ANK3: variants seen among roughly 807,000 people sequenced by gnomAD.
The protein encoded by ANK3 is ankyrin 3, also known as ankyrin-3.
ANK3 carries 57 observed loss-of-function variants against 370.9 expected under a neutral mutation model. The ratio of observed to expected loss-of-function variants is 0.15; its 90% CI spans 0.12 to 0.19. The LOEUF is 0.19. Ranked by LOEUF, ANK3 falls within the 10% of genes least tolerant of loss-of-function variation. The pLI is 1.00. For synonymous variants in ANK3, 1,929 were observed against 1,946.3 expected, an observed-to-expected ratio of 0.99 and a Z score of 0.23; for missense variants, 4,439 against 5,302.1, an observed-to-expected ratio of 0.84 and a Z score of 5.06.
At chr10:60,274,476 A>G (rs1030270635) in intron 4 of ANK3, among the ~76,000 whole-genome samples, 2 of 152,086 alleles carry the variant, frequency 1.3e-5, no homozygotes, top group African/African-American at 4.8e-5. Context: ...CCTATTCCCC[A>G]TTATGCAGGT....
chr10:60,715,282 C>T (rs183994496), intron 1 of ANK3, among the ~76,000 whole-genome samples: 120 of 150,774 alleles, frequency 8.0e-4, no homozygotes, highest in African/African-American at 2.7e-3. Context: ...AAAGCAAACA[C>T]GGTGTTTGAT....
chr10:60,177,075 G>T (rs2095986704), intron 18 of ANK3, among the ~76,000 whole-genome samples: 1 of 152,088 alleles, frequency 6.6e-6, no homozygotes, highest in African/African-American at 2.4e-5. Context: ...GCCATGCATG[G>T]CATGCATGGA....
chr10:60,047,223 A>C (rs77674123), intron 42 of ANK3, among the ~76,000 whole-genome samples: 57 of 152,238 alleles, frequency 3.7e-4, no homozygotes, highest in African/African-American at 1.2e-3. Flanking sequence ...CCCCCCAACC[A>C]TTATAAAGGA....
rs762232864 is a variant in ANK3 at position 60,070,645 on chromosome 10, G to A, written c.10236C>T (p.Ile3412=). ...GCAGGTCATAGCCATCCAGAGAGTC[G>A]ATCTCTGTGGCATCCGTGTCATGAG... ...EFSHDTDATE[I]DSLDGYDLQD... is the part of the protein sequence containing the mutation. Residue 3412 remains isoleucine, a synonymous_variant, in exon 37 of 44, where the codon ATC becomes ATT. Coordinates refer to ENST00000280772, the MANE Select transcript of ANK3 (RefSeq NM_020987.5). The surrounding 1 kb of genome is among the most constrained non-coding windows in gnomAD (Gnocchi z 5.7). 1.4e-5 allele frequency: 23 copies of A among 1,614,048 alleles called. No individual in the cohort carries two copies. In the Admixed American group the frequency reaches 2.0e-4, roughly 14 times the overall value.
At chr10:60,411,643 C>T (rs1014385835) in intron 2 of ANK3, among the ~76,000 whole-genome samples, 1 of 152,094 alleles carries the variant, frequency 6.6e-6, no homozygotes. Flanking sequence ...AATTAAGCAG[C>T]ACCACAGTGG....
chr10:60,211,521 T>A (rs2096853985), intron 9 of ANK3, among the ~76,000 whole-genome samples: 1 of 152,138 alleles, frequency 6.6e-6, no homozygotes, highest in South Asian at 2.1e-4. Context: ...AATACCAGTA[T>A]CTCATTTAAC....
intron 28 of ANK3, among the ~76,000 whole-genome samples, chr10:60,091,524 AG>A (rs1373038479): frequency 2.5e-5 from 1 of 40,700 alleles, no homozygotes; most frequent in African/African-American, 9.6e-5. Flanking sequence ...GAATGTGACC[AG>A]GGAGGGTGGG....
chr10:60,184,198 T>C (rs144207720), intron 17 of ANK3, among the ~76,000 whole-genome samples: 1 of 152,220 alleles, frequency 6.6e-6, no homozygotes, highest in East Asian at 1.9e-4. Context: ...GGAAATAAAA[T>C]GTAGTGTTAT....
chr10:60,296,711 G>A (rs922887266), intron 1 of ANK3, among the ~76,000 whole-genome samples: 3 of 152,152 alleles, frequency 2.0e-5, no homozygotes, highest in Admixed American at 6.5e-5. Context: ...AGGGCTAGGT[G>A]CAGTGGGTCA....
intron 1 of ANK3, among the ~76,000 whole-genome samples, chr10:60,699,596 G>GT (rs61607459): frequency 0.052 from 7,882 of 151,668 alleles, 284 homozygotes; most frequent in African/African-American, 0.086. Flanking sequence ...ATCAATACAC[G>GT]TTATTACCAA....
intron 1 of ANK3, among the ~76,000 whole-genome samples, chr10:60,347,634 GAATA>G (rs1446519308): frequency 1.3e-5 from 2 of 152,144 alleles, no homozygotes; most frequent in African/African-American, 4.8e-5. Flanking sequence ...GGTAATGAAT[GAATA>G]GTTAAGTTCC....
Position 60,442,252 on chromosome 10 carries a change from C to A in ANK3, c.97-162613G>T, listed in dbSNP as rs1350657733. On this transcript the variant is annotated intron_variant, in intron 2 of 43. Transcript: ENST00000373827. The stretch of plus-strand genomic sequence containing the variant: ...CTGGGATTATAGGTGCACGCCACCA[C>A]GCCTGGCTAATTTTTGTATTTTTAG... 2.0e-5 allele frequency among the ~76,000 whole-genome samples: 3 copies of A among 151,856 alleles called. No homozygotes were observed. In the East Asian group the frequency reaches 5.8e-4, roughly 29 times the overall value.
At chr10:60,301,642 T>C (rs142419991) in intron 1 of ANK3, among the ~76,000 whole-genome samples, 270 of 152,040 alleles carry the variant, frequency 1.8e-3, no homozygotes, top group South Asian at 3.9e-3. Context: ...GTCTCAAACT[T>C]CTGAGCTCAA....
In ANK3 at chr10:60,126,493, C is replaced by A. The variant is rs186380555; in HGVS notation, c.2841+7778G>T. ...ATGAGGCCAGGAGTTTGAGACCAACCTGGCCAGTATGGTGAAACTCCATCT... is the reference window on the plus strand; with the variant it reads ...ATGAGGCCAGGAGTTTGAGACCAACATGGCCAGTATGGTGAAACTCCATCT... On this transcript the variant is annotated intron_variant, in intron 25 of 43. Coordinates refer to ENST00000280772, the MANE Select transcript of ANK3 (RefSeq NM_020987.5). Among the ~76,000 whole-genome samples the A allele has an allele frequency of 2.1e-3, 327 of 152,156 alleles. 2 individuals carry two copies. The highest frequency in any genetic ancestry group is 7.6e-4 in the Non-Finnish European group (52 of 67,998).
chr10:60,118,222 AC>A (rs145477101), intron 25 of ANK3, among the ~76,000 whole-genome samples: 2,019 of 152,294 alleles, frequency 0.013, 46 homozygotes, highest in African/African-American at 0.046. Flanking sequence ...TAATTGCATA[AC>A]TTTGGTAATA....
intron 2 of ANK3, among the ~76,000 whole-genome samples, chr10:60,424,880 A>G (rs1396126839): frequency 1.3e-5 from 2 of 152,062 alleles, no homozygotes; most frequent in African/African-American, 2.4e-5. Context: ...ATTTAAAGAC[A>G]TTACTTTGTA....
intron 1 of ANK3, among the ~76,000 whole-genome samples, chr10:60,624,546 A>G (rs10821803): frequency 0.4 from 60,148 of 151,912 alleles, 12,050 homozygotes; most frequent in East Asian, 0.44. Context: ...CTGTGAATAT[A>G]ATAGCTTTCA....
At chr10:60,298,835 C>A (rs2043078614) in intron 1 of ANK3, among the ~76,000 whole-genome samples, 2 of 152,140 alleles carry the variant, frequency 1.3e-5, no homozygotes, top group East Asian at 3.8e-4. Context: ...TTACAGCAAG[C>A]CTTATTGCTC....
chr10:60,383,389 G>A (rs1016516631), intron 1 of ANK3, among the ~76,000 whole-genome samples: 1 of 152,134 alleles, frequency 6.6e-6, no homozygotes, highest in Non-Finnish European at 1.5e-5. Context: ...CCATTTTGCA[G>A]GTGGAGAGCC....
Sources: allele counts gnomAD v4.1 joint callset (sites outside exome capture counted in the v4.1 genomes callset), GRCh38; gene constraint gnomAD v4.1.1; non-coding constraint Gnocchi (gnomAD v3.1); transcripts MANE v1.5; gene names NCBI Gene and HGNC (gene_info 2026-07-23, HGNC 2026-07-21).